Variants in PCMT1 observed in about 807,000 individuals in gnomAD.
PCMT1 encodes protein-L-isoaspartate(D-aspartate) O-methyltransferase.
Under a neutral mutation model 29.2 loss-of-function variants are expected in PCMT1, and 9 were observed. That is an observed-to-expected ratio of 0.31 (90% CI 0.19 to 0.54). PCMT1 has a LOEUF of 0.54. Ranked by LOEUF, PCMT1 falls within the 20% of genes least tolerant of loss-of-function variation. The probability of loss-of-function intolerance (pLI) is 0.95; values close to 1 mark genes in which losing one functional copy is unlikely to be tolerated. For synonymous variants in PCMT1, 98 were observed against 97.5 expected (o/e 1.00, Z -0.03); for missense variants, 184 against 282.2 (o/e 0.65, Z 2.49).
chr6:149,794,548 G>A lies in PCMT1; in HGVS notation c.418+879G>A, dbSNP rs548718074. ...CAGGAGAATCGCTTGAACCCGAGAGGTGGAGGTTGCAGTAAGCTGAGATCG... is the reference window on the plus strand; with the variant it reads ...CAGGAGAATCGCTTGAACCCGAGAGATGGAGGTTGCAGTAAGCTGAGATCG... On this transcript the variant is annotated intron_variant, in intron 5 of 7. Coordinates refer to ENST00000464889, the MANE Select transcript of PCMT1 (RefSeq NM_001360452.2). Among the ~76,000 whole-genome samples the A allele has an allele frequency of 2.0e-5, 3 of 152,324 alleles. No individual in the cohort carries two copies. The East Asian group carries it at 5.8e-4, about 29-fold the overall frequency.
chr6:149,751,760 G>A (rs1014126618), intron 1 of PCMT1, among the ~76,000 whole-genome samples: 5 of 152,006 alleles, frequency 3.3e-5, no homozygotes, highest in African/African-American at 4.8e-5. Flanking sequence ...GATTATAGGC[G>A]TGAGCCACCG....
At chr6:149,786,501 G>A in intron 3 of PCMT1, among the ~76,000 whole-genome samples, 1 of 133,762 alleles carries the variant, frequency 7.5e-6, no homozygotes, top group African/African-American at 3.2e-5. Context: ...AGGCGGAGGG[G>A]CTCCTCACTT....
chr6:149,781,298 C>T (rs1326490741), intron 3 of PCMT1, among the ~76,000 whole-genome samples: 1 of 150,756 alleles, frequency 6.6e-6, no homozygotes, highest in Non-Finnish European at 1.5e-5. Flanking sequence ...GCCATCTCAG[C>T]TCACTGCAAC....
At chr6:149,776,353 T>C (rs1787565792) in intron 3 of PCMT1, among the ~76,000 whole-genome samples, 1 of 149,706 alleles carries the variant, frequency 6.7e-6, no homozygotes, top group Non-Finnish European at 1.5e-5. Flanking sequence ...ATTCAAGCAA[T>C]TCGCGTGCCT....
At chr6:149,791,580 G>T (rs1438601464) in intron 4 of PCMT1, among the ~76,000 whole-genome samples, 1 of 152,182 alleles carries the variant, frequency 6.6e-6, no homozygotes, top group African/African-American at 2.4e-5. Flanking sequence ...ATAATCAGCA[G>T]ACTTACTAGA....
intron 1 of PCMT1, among the ~76,000 whole-genome samples, chr6:149,765,254 G>C (rs1017558379): frequency 6.7e-6 from 1 of 149,214 alleles, no homozygotes; most frequent in African/African-American, 2.5e-5. Flanking sequence ...CAGCTACTCG[G>C]GAGGCTGAGG....
At chr6:149,808,812 A>G (rs1271797035) in intron 7 of PCMT1, among the ~76,000 whole-genome samples, 2 of 151,764 alleles carry the variant, frequency 1.3e-5, no homozygotes, top group African/African-American at 2.4e-5. Flanking sequence ...AATTATTTGT[A>G]TTTTTAGTAG....
intron 3 of PCMT1, among the ~76,000 whole-genome samples, chr6:149,773,403 G>C (rs1035989106): frequency 6.6e-6 from 1 of 151,708 alleles, no homozygotes; most frequent in African/African-American, 2.4e-5. Context: ...TTTTGAGATG[G>C]AGTCTCGCTC....
In PCMT1 at chr6:149,771,283, T is replaced by A; in HGVS notation, c.160+17T>A. The A allele has an allele frequency of 7.2e-7, 1 of 1,395,410 alleles. No individual in the cohort carries two copies. The highest frequency in any genetic ancestry group is 1.0e-6 in the Non-Finnish European group (1 of 988,478). The allele number at this position is 1,395,410 out of a possible 1,614,324, so 86.4% of individuals were successfully genotyped here. Reference sequence around the variant, plus strand: ...AATCAATAGGTAAGCTTTAGATTTCTGAAAATATCATAGTTTTCATCATTT... The same window carrying A: ...AATCAATAGGTAAGCTTTAGATTTCAGAAAATATCATAGTTTTCATCATTT... On this transcript the variant is annotated intron_variant, in intron 2 of 7. Transcript: ENST00000464889.
chr6:149,749,972 G>T lies in PCMT1; in HGVS notation c.55+16G>T, dbSNP rs1554250005. ...AATCTCCGCAGTAAGTGCCACCTCC[G>T]CCCGTTGTAGGGCAGCTGGGGCAGG... On this transcript the variant is annotated intron_variant, in intron 1 of 7. Transcript: ENST00000464889. 1 of 1,604,356 alleles carries T rather than the reference G, an allele frequency of 6.2e-7. No individual in the cohort carries two copies. Among genetic ancestry groups the T allele is most frequent in the Non-Finnish European group, 8.5e-7 (1 of 1,175,580 alleles).
At chr6:149,753,173 T>A (rs1315151599) in intron 1 of PCMT1, among the ~76,000 whole-genome samples, 1 of 152,150 alleles carries the variant, frequency 6.6e-6, no homozygotes, top group Non-Finnish European at 1.5e-5. Context: ...TGACATAAAA[T>A]TTGAAAATAT....
At chr6:149,763,862 T>A (rs1030933208) in intron 1 of PCMT1, among the ~76,000 whole-genome samples, 7 of 152,202 alleles carry the variant, frequency 4.6e-5, no homozygotes, top group Admixed American at 3.3e-4. Context: ...AGATAGAAAT[T>A]CAATATATTC....
Position 149,811,297 on chromosome 6 carries a change from TTTTCTG to T in PCMT1, c.*725_*730del. On this transcript the variant is annotated 3_prime_UTR_variant, in exon 8 of 8. Coordinates refer to ENST00000464889, the MANE Select transcript of PCMT1 (RefSeq NM_001360452.2). The stretch of plus-strand genomic sequence containing the variant: ...ATAGGAGACTTGTAGTTTAGTGTGG[TTTTCTG>T]TTTCTAATTTGCTGCTGATAATGTA... 6.5e-6 allele frequency: 1 copy of T among 152,728 alleles called. No homozygotes were observed. The highest frequency in any genetic ancestry group is 1.5e-5 in the Non-Finnish European group (1 of 68,106). 9.5% of individuals were successfully genotyped at this position (152,728 alleles called of 1,614,324 possible). A position where few individuals can be genotyped will look rare whatever the true frequency, so the allele number is the denominator to read the frequency against.
chr6:149,798,848 A>C (rs1788714735), intron 6 of PCMT1, among the ~76,000 whole-genome samples: 1 of 152,250 alleles, frequency 6.6e-6, no homozygotes, highest in Non-Finnish European at 1.5e-5. Flanking sequence ...CATGGGTCTG[A>C]AAAGAGGGAA....
At chr6:149,769,384 G>A (rs1480806412) in intron 1 of PCMT1, among the ~76,000 whole-genome samples, 2 of 138,946 alleles carry the variant, frequency 1.4e-5, no homozygotes, top group East Asian at 2.3e-4. Context: ...GCACGATCTC[G>A]GCTCACTGCA....
chr6:149,762,544 C>A (rs1405401455), intron 1 of PCMT1, among the ~76,000 whole-genome samples: 2 of 9,540 alleles, frequency 2.1e-4, no homozygotes, highest in African/African-American at 7.8e-4. Flanking sequence ...ATATATATAT[C>A]TATGATATAT....
chr6:149,773,068 G>C (rs1787401740), intron 2 of PCMT1, 70 bp from the exon 3 acceptor site: 2 of 1,055,612 alleles, frequency 1.9e-6, no homozygotes, highest in Non-Finnish European at 2.9e-6. Context: ...ATGGATGGTA[G>C]AAAAGAAATT....
intron 2 of PCMT1, chr6:149,772,405 TTTAAG>T: frequency 3.1e-6 from 1 of 318,460 alleles, no homozygotes; most frequent in Non-Finnish European, 6.1e-6. Context: ...CTAGTTTTTT[TTTAAG>T]TTGACAGAAA....
At chr6:149,750,137 C>G in intron 1 of PCMT1, 181 bp downstream of exon 1, 1 of 819,144 alleles carries the variant, frequency 1.2e-6, no homozygotes, top group East Asian at 2.8e-5. Flanking sequence ...GGACCTGTCA[C>G]TCGTCGACGA....
Sources: gnomAD v4.1 joint callset for allele counts (sites outside exome capture counted in the v4.1 genomes callset) on GRCh38, gnomAD v4.1.1 for gene constraint, MANE v1.5 for transcripts, NCBI Gene and HGNC (gene_info 2026-07-23, HGNC 2026-07-21) for gene names.